OPCML: variants seen among roughly 807,000 people sequenced by gnomAD.
The protein encoded by OPCML is opioid-binding protein/cell adhesion molecule.
A neutral mutation model predicts 37.8 loss-of-function variants in OPCML; 13 were observed. The ratio of observed to expected loss-of-function variants is 0.34; its 90% CI spans 0.22 to 0.55. OPCML has a LOEUF of 0.55. OPCML is among the 20% of genes least tolerant of loss of function. The pLI is 0.91. For synonymous variants in OPCML, 176 were observed against 168.8 expected (o/e 1.04, Z -0.33); for missense variants, 341 against 435.6 (o/e 0.78, Z 1.93).
intron 1 of OPCML, chr11:133,003,926 A>G (rs1241432347): frequency 1.0e-6 from 1 of 985,304 alleles, no homozygotes; most frequent in Admixed American, 6.1e-5. Flanking sequence ...GCTTCTGGTC[A>G]CACAGGCTGG....
intron 1 of OPCML, among the ~76,000 whole-genome samples, chr11:132,952,151 G>A (rs1031107448): frequency 6.6e-6 from 1 of 152,206 alleles, no homozygotes; most frequent in Non-Finnish European, 1.5e-5. Flanking sequence ...ACCAACCTAA[G>A]TCAGTGTGGA....
At chr11:133,245,899 T>A (rs762666932) in intron 1 of OPCML, among the ~76,000 whole-genome samples, 3 of 152,036 alleles carry the variant, frequency 2.0e-5, no homozygotes, top group Non-Finnish European at 4.4e-5. Flanking sequence ...TTCTCATTCA[T>A]AAGTGGGAGT....
At position 132,942,979 on chromosome 11, in the gene OPCML, G is replaced by C. The variant is rs1945634604; in HGVS notation, c.93C>G (p.Phe31Leu). The C allele has an allele frequency of 1.9e-6, 3 of 1,614,056 alleles. No individual in the cohort carries two copies. Among genetic ancestry groups the C allele is most frequent in the Non-Finnish European group, 2.5e-6 (3 of 1,180,020 alleles). Residue 31 changes from phenylalanine (F) to leucine (L), a missense_variant, in exon 2 of 8, where the codon TTC becomes TTG. Transcript: ENST00000524381. Reference sequence around the variant, plus strand: ...CCGTCACGTTGTCCATAGCTTTGGGGAAGGTGGCATCTCCGCTGCGCACGG... The same window carrying C: ...CCGTCACGTTGTCCATAGCTTTGGGCAAGGTGGCATCTCCGCTGCGCACGG... The part of the protein sequence containing the change: ...GVPVRSGDAT[F>L]PKAMDNVTVR...
At chr11:133,436,556 C>T (rs1946237796) in intron 1 of OPCML, among the ~76,000 whole-genome samples, 2 of 152,132 alleles carry the variant, frequency 1.3e-5, no homozygotes, top group Non-Finnish European at 2.9e-5. Context: ...TCTCAGAGTC[C>T]AGCATCCCAC....
rs547492907 is a variant in OPCML, at chr11:133,284,814, G to C, written c.61+247450C>G. Among the ~76,000 whole-genome samples, 4 of 152,090 alleles carry C rather than the reference G, an allele frequency of 2.6e-5. No homozygotes were observed. In the South Asian group the frequency reaches 8.3e-4, roughly 32 times the overall value. On this transcript the variant is annotated intron_variant, in intron 1 of 7. Coordinates refer to ENST00000524381, the MANE Select transcript of OPCML (RefSeq NM_001012393.5). ...CTCAGGTTCATCATATGCAAAATAG[G>C]GATAATAATAGGTCTTATGAAATAA... is the stretch of plus-strand genomic sequence containing the variant.
chr11:133,531,615 A>C (rs1232314657), intron 1 of OPCML, among the ~76,000 whole-genome samples: 1 of 152,110 alleles, frequency 6.6e-6, no homozygotes, highest in Admixed American at 6.5e-5. Context: ...TGTTACAACA[A>C]GAAATGCAGG....
chr11:133,418,371 T>C (rs776029457), intron 1 of OPCML: 7 of 985,250 alleles, frequency 7.1e-6, no homozygotes, highest in African/African-American at 1.7e-5. Flanking sequence ...ATTCAAGAAC[T>C]ATTTCAGAAG....
At chr11:133,531,109 C>A (rs902582898) in intron 1 of OPCML, among the ~76,000 whole-genome samples, 2 of 152,218 alleles carry the variant, frequency 1.3e-5, no homozygotes, top group African/African-American at 4.8e-5. Flanking sequence ...GAGATCCTGA[C>A]TGTGCGACGG....
chr11:132,770,795 G>C (rs1289880985), intron 2 of OPCML, among the ~76,000 whole-genome samples: 1 of 152,156 alleles, frequency 6.6e-6, no homozygotes, highest in Non-Finnish European at 1.5e-5. Flanking sequence ...GCAAAAATTA[G>C]GGCAAGAAAG....
chr11:132,680,987 A>G (rs2135851650), intron 2 of OPCML, among the ~76,000 whole-genome samples: 1 of 152,250 alleles, frequency 6.6e-6, no homozygotes, highest in Admixed American at 6.5e-5. Flanking sequence ...CTGCTGAGTA[A>G]TCTCCCAAAC....
intron 1 of OPCML, among the ~76,000 whole-genome samples, chr11:133,393,511 G>T (rs77812144): frequency 0.025 from 3,818 of 152,220 alleles, 161 homozygotes; most frequent in African/African-American, 0.086. Flanking sequence ...AGGCATCCAT[G>T]TAAGCCTCAT....
At chr11:132,912,980 G>A (rs1040784597) in intron 2 of OPCML, among the ~76,000 whole-genome samples, 3 of 152,194 alleles carry the variant, frequency 2.0e-5, no homozygotes, top group Admixed American at 6.5e-5. Flanking sequence ...TTTACCATTA[G>A]AATAATCCTT....
chr11:132,832,340 A>C (rs1349669701), intron 2 of OPCML, among the ~76,000 whole-genome samples: 2 of 152,130 alleles, frequency 1.3e-5, no homozygotes, highest in Non-Finnish European at 2.9e-5. Flanking sequence ...TAAAGCTGGA[A>C]GCCTAAACCT....
At position 133,403,035 on chromosome 11, in the gene OPCML, C is replaced by A. The variant is rs1050288110; in HGVS notation, c.61+129229G>T. Among the ~76,000 whole-genome samples, 3 of 152,178 alleles carry A rather than the reference C, an allele frequency of 2.0e-5. No individual in the cohort carries two copies. In the South Asian group the frequency reaches 6.2e-4, roughly 31 times the overall value. On this transcript the variant is annotated intron_variant, in intron 1 of 7. Coordinates refer to ENST00000524381, the MANE Select transcript of OPCML (RefSeq NM_001012393.5). ...TATATGGCAATTGCTGGCTTGCCTTCTTTACCACTACACTCTAGGCTCTAT... is the reference window on the plus strand; with the variant it reads ...TATATGGCAATTGCTGGCTTGCCTTATTTACCACTACACTCTAGGCTCTAT...
At chr11:132,646,624 A>G (rs1941164036) in intron 3 of OPCML, among the ~76,000 whole-genome samples, 1 of 152,182 alleles carries the variant, frequency 6.6e-6, no homozygotes, top group Admixed American at 6.5e-5. Context: ...AAAGGGAGAG[A>G]ATGACGTTAT....
At chr11:133,317,830 CCAG>C (rs1352466586) in intron 1 of OPCML, among the ~76,000 whole-genome samples, 1 of 152,208 alleles carries the variant, frequency 6.6e-6, no homozygotes, top group African/African-American at 2.4e-5. Context: ...AAGTGTACCA[CCAG>C]TGGTAGCGTG....
intron 2 of OPCML, among the ~76,000 whole-genome samples, chr11:132,763,778 G>A (rs1321955804): frequency 6.6e-6 from 1 of 152,204 alleles, no homozygotes; most frequent in Non-Finnish European, 1.5e-5. Context: ...GCTAAGCACA[G>A]GAGCTGTCAC....
At chr11:133,394,092 T>C (rs1242411873) in intron 1 of OPCML, among the ~76,000 whole-genome samples, 3 of 152,192 alleles carry the variant, frequency 2.0e-5, no homozygotes, top group Non-Finnish European at 4.4e-5. Flanking sequence ...CTCTGCCCCA[T>C]GCTTAATCCT....
chr11:132,889,724 T>C (rs1489542127), intron 2 of OPCML, among the ~76,000 whole-genome samples: 2 of 152,220 alleles, frequency 1.3e-5, no homozygotes, highest in African/African-American at 4.8e-5. Flanking sequence ...AGCAGCATTG[T>C]AGAAGAACTC....
Sources: allele counts gnomAD v4.1 joint callset (sites outside exome capture counted in the v4.1 genomes callset), GRCh38; gene constraint gnomAD v4.1.1; transcripts MANE v1.5; gene names NCBI Gene and HGNC (gene_info 2026-07-23, HGNC 2026-07-21).